The following DDX60L variants were observed in gnomAD, a reference collection of about 807,000 sequenced individuals.
DDX60L encodes DExD/H-box 60 like.
In DDX60L, 191 loss-of-function variants were observed where a neutral mutation model predicts 211.6. The observed-to-expected ratio is 0.90, with a 90% CI of 0.80 to 1.02. The LOEUF (loss-of-function observed/expected upper bound fraction) is 1.02. DDX60L is among the 50% of genes least tolerant of loss of function. The probability of loss-of-function intolerance (pLI) is 0.00; values close to 1 mark genes in which losing one functional copy is unlikely to be tolerated. For synonymous variants in DDX60L, 706 were observed against 694.1 expected (o/e 1.02, Z -0.27); for missense variants, 2,007 against 1,984.1 (o/e 1.01, Z -0.22).
chr4:168,389,166 A>G (rs1406258753), intron 29 of DDX60L, among the ~76,000 whole-genome samples: 1 of 152,188 alleles, frequency 6.6e-6, no homozygotes, highest in Non-Finnish European at 1.5e-5. Context: ...AGGTGAAGCT[A>G]ACAAGTATTC....
chr4:168,463,319 GT>G (rs1757562960), intron 4 of DDX60L, among the ~76,000 whole-genome samples: 1 of 152,196 alleles, frequency 6.6e-6, no homozygotes, highest in Admixed American at 6.5e-5. Flanking sequence ...ATGAGATCAT[GT>G]CCCAAATGCA....
intron 20 of DDX60L, among the ~76,000 whole-genome samples, chr4:168,416,072 T>C (rs1295894726): frequency 6.6e-6 from 1 of 152,174 alleles, no homozygotes; most frequent in African/African-American, 2.4e-5. Context: ...GCCTGCCACA[T>C]AGAAAGCACT....
chr4:168,410,842 C>T (rs1748552710), intron 22 of DDX60L, among the ~76,000 whole-genome samples: 1 of 152,084 alleles, frequency 6.6e-6, no homozygotes, highest in Non-Finnish European at 1.5e-5. Flanking sequence ...ATGGGAACTT[C>T]GGACATGAAT....
chr4:168,373,672 G>A lies in DDX60L; in HGVS notation c.4770C>T (p.Ile1590=), dbSNP rs1326178647. 6.2e-7 allele frequency: 1 copy of A among 1,613,450 alleles called. No homozygotes were observed. The highest frequency in any genetic ancestry group is 1.1e-5 in the South Asian group (1 of 91,018). The part of the protein sequence containing the change: ...TDNDLLRPET[I]NQVILRTVGV... Reference sequence around the variant, plus strand: ...AGATGTATCCTTCACTTACCTGGTTGATAGTCTCTGGTCGAAGCAAATCAT... The same window carrying A: ...AGATGTATCCTTCACTTACCTGGTTAATAGTCTCTGGTCGAAGCAAATCAT... The change falls in exon 35 of 38, where the codon ATC becomes ATT. Residue 1590 remains isoleucine, a synonymous_variant. Coordinates refer to ENST00000682922, the MANE Select transcript of DDX60L (RefSeq NM_001012967.3).
intron 4 of DDX60L, among the ~76,000 whole-genome samples, chr4:168,465,153 C>A (rs1378841621): frequency 1.4e-5 from 1 of 69,390 alleles, no homozygotes; most frequent in African/African-American, 3.4e-5. Flanking sequence ...TCCTTACTAG[C>A]ATTTTTTTTT....
intron 8 of DDX60L, among the ~76,000 whole-genome samples, chr4:168,451,438 G>A (rs1755785905): frequency 6.6e-6 from 1 of 152,194 alleles, no homozygotes; most frequent in Non-Finnish European, 1.5e-5. Context: ...AAACCTGAAA[G>A]TCATCATTGA....
chr4:168,435,780 T>C (rs1752952886), intron 10 of DDX60L, among the ~76,000 whole-genome samples: 1 of 152,158 alleles, frequency 6.6e-6, no homozygotes, highest in Non-Finnish European at 1.5e-5. Flanking sequence ...ATCTCACTGG[T>C]CCATCACATT....
chr4:168,433,122 A>G lies in DDX60L; in HGVS notation c.1295-7T>C, dbSNP rs758740422. ...ATCTTTTCCAAGGAGATTTCTGAAA[A>G]CAAATATAAATTTAAGATGAGAGGA... is the stretch of plus-strand genomic sequence containing the variant. On this transcript the variant is annotated splice_region_variant and splice_polypyrimidine_tract_variant and intron_variant, in intron 10 of 37. Coordinates refer to ENST00000682922, the MANE Select transcript of DDX60L (RefSeq NM_001012967.3). 1.1e-4 allele frequency: 178 copies of G among 1,573,958 alleles called. 1 individual carries two copies. The highest frequency in any genetic ancestry group is 1.5e-4 in the Non-Finnish European group (173 of 1,150,458).
intron 25 of DDX60L, among the ~76,000 whole-genome samples, chr4:168,401,367 G>A (rs939829102): frequency 2.0e-5 from 3 of 152,142 alleles, no homozygotes; most frequent in Admixed American, 1.3e-4. Context: ...AAATCTACCT[G>A]TAACCTGGAA....
chr4:168,377,065 C>T (rs772337046), intron 33 of DDX60L, among the ~76,000 whole-genome samples: 7 of 152,038 alleles, frequency 4.6e-5, no homozygotes, highest in Non-Finnish European at 1.0e-4. Flanking sequence ...CCAAGGCGGG[C>T]GCATCACTTG....
Position 168,394,473 on chromosome 4 carries a change from G to A in DDX60L, c.3802C>T (p.Leu1268Phe). The A allele has an allele frequency of 6.2e-7, 1 of 1,602,460 alleles. No homozygotes were observed. Among genetic ancestry groups the A allele is most frequent in the Non-Finnish European group, 8.5e-7 (1 of 1,176,070 alleles). ...CAAAGAAATTTACCTACCCTAATAA[G>A]CCCTTTTACAAAGAGTATCTCAACA... Reference protein sequence around the residue: ...EFVEILFVKGLIRVVTATETL... With the variant: ...EFVEILFVKGFIRVVTATETL... Residue 1268 changes from leucine to phenylalanine, a missense_variant, in exon 28 of 38, where the codon CTT becomes TTT. Coordinates refer to ENST00000682922, the MANE Select transcript of DDX60L (RefSeq NM_001012967.3).
rs750018443 is a variant in DDX60L, at chr4:168,375,388, A to G, written c.4622T>C (p.Leu1541Ser). Residue 1541 changes from leucine to serine, a missense_variant, in exon 34 of 38, where the codon TTG becomes TCG. Leu to Ser is a moderately radical substitution (Grantham distance 145). Coordinates refer to ENST00000682922, the MANE Select transcript of DDX60L (RefSeq NM_001012967.3). Reference sequence around the variant, plus strand: ...TAAAATCTGCTTACTGATTCTTGACAAAGGGAGTTGATGCTCTTTTTTCAT... The same window carrying G: ...TAAAATCTGCTTACTGATTCTTGACGAAGGGAGTTGATGCTCTTTTTTCAT... ...VNMKKEHQLP[L>S]SRIKFTGKEC... 1.2e-6 allele frequency: 2 copies of G among 1,612,296 alleles called. No individual in the cohort carries two copies. The highest frequency in any genetic ancestry group is 2.2e-5 in the South Asian group (2 of 90,848).
intron 9 of DDX60L, among the ~76,000 whole-genome samples, chr4:168,442,318 C>T (rs201953279): frequency 3.3e-5 from 5 of 152,044 alleles, no homozygotes; most frequent in Admixed American, 6.6e-5. Context: ...CGGCGCACCA[C>T]GAGATTATAT....
chr4:168,436,228 G>A (rs761135572), intron 10 of DDX60L, among the ~76,000 whole-genome samples: 12 of 152,180 alleles, frequency 7.9e-5, no homozygotes, highest in African/African-American at 1.7e-4. Flanking sequence ...AGGCTGACAC[G>A]ATTGCAGGCT....
In DDX60L at chr4:168,424,234, T is replaced by C. The variant is rs1026870468; in HGVS notation, c.1931-460A>G. Among the ~76,000 whole-genome samples, 7 of 152,214 alleles carry C rather than the reference T, an allele frequency of 4.6e-5. 1 individual carries two copies. The highest frequency in any genetic ancestry group is 1.7e-4 in the African/African-American group (7 of 41,456). On this transcript the variant is annotated intron_variant, in intron 14 of 37. Transcript: ENST00000682922. ...TACTCTTGACCACATACAGTACTTG[T>C]ATTTATGAAACCATCAGCAGAACCC...
intron 9 of DDX60L, among the ~76,000 whole-genome samples, chr4:168,443,532 A>C (rs377577103): frequency 3.9e-5 from 6 of 152,080 alleles, no homozygotes; most frequent in South Asian, 2.1e-4. Flanking sequence ...GAGAACGCCA[A>C]AAAGATACTC....
chr4:168,438,278 G>C (rs953932684), intron 10 of DDX60L, among the ~76,000 whole-genome samples: 6 of 152,080 alleles, frequency 3.9e-5, no homozygotes, highest in African/African-American at 1.4e-4. Context: ...CCTGCCTTTT[G>C]GGGCCAGTGT....
chr4:168,420,393 A>G lies in DDX60L; in HGVS notation c.2395-13T>C, dbSNP rs1475812508. ...GACCAACAAGGGACTGATTGACAAG[A>G]AAAAAAACCATTAGTCACTTAGTAG... On this transcript the variant is annotated splice_polypyrimidine_tract_variant and intron_variant, in intron 17 of 37. Coordinates refer to ENST00000682922, the MANE Select transcript of DDX60L (RefSeq NM_001012967.3). 2 of 1,597,684 alleles carry G rather than the reference A, an allele frequency of 1.3e-6. No individual in the cohort carries two copies. The highest frequency in any genetic ancestry group is 8.5e-7 in the Non-Finnish European group (1 of 1,174,698).
chr4:168,362,055 G>T (rs920826970), intron 36 of DDX60L, among the ~76,000 whole-genome samples: 1 of 152,244 alleles, frequency 6.6e-6, no homozygotes, highest in Non-Finnish European at 1.5e-5. Context: ...CCACTGAACA[G>T]GTGGCCAGGC....
Sources: allele counts gnomAD v4.1 joint callset (sites outside exome capture counted in the v4.1 genomes callset), GRCh38; gene constraint gnomAD v4.1.1; transcripts MANE v1.5; gene names NCBI Gene and HGNC (gene_info 2026-07-23, HGNC 2026-07-21).